Variants in DMD observed in about 807,000 individuals in gnomAD.
The protein encoded by DMD is dystrophin.
In DMD, 63 loss-of-function variants were observed where a neutral mutation model predicts 330.1. That is an observed-to-expected ratio of 0.19 (90% confidence interval 0.16 to 0.24). The LOEUF (loss-of-function observed/expected upper bound fraction) is 0.24, where lower values mean the gene tolerates loss of function less well. Ranked by LOEUF, DMD falls within the 10% of genes least tolerant of loss-of-function variation. The probability of loss-of-function intolerance (pLI) is 1.00; values close to 1 mark genes in which losing one functional copy is unlikely to be tolerated. For synonymous variants in DMD, 1,223 were observed against 959.8 expected, an observed-to-expected ratio of 1.27 and a Z score of -5.07; for missense variants, 3,344 against 2,684.1, an observed-to-expected ratio of 1.25 and a Z score of -5.43.
At chrX:33,163,658 A>ATCTATCTG (rs1267403671) in intron 1 of DMD, among the ~76,000 whole-genome samples, 1 of 108,828 alleles carries the variant, frequency 9.2e-6, no homozygotes, top group Non-Finnish European at 1.9e-5. Context: ...CTATCTATCT[A>ATCTATCTG]TATAAAGTTT....
At chrX:32,924,420 G>A (rs757226398) in intron 2 of DMD, among the ~76,000 whole-genome samples, 3 of 111,028 alleles carry the variant, frequency 2.7e-5, no homozygotes, top group Admixed American at 9.6e-5. Flanking sequence ...AGCTACTCAG[G>A]AGGTGCAGGT....
chrX:32,453,067 G>A lies in DMD; in HGVS notation c.3603+1595C>T, dbSNP rs191412551. Among the ~76,000 whole-genome samples the A allele has an allele frequency of 1.4e-3, 157 of 110,972 alleles. 2 individuals are homozygous for A. Among genetic ancestry groups the A allele is most frequent in the Non-Finnish European group, 2.1e-3 (110 of 52,567 alleles). On this transcript the variant is annotated intron_variant, in intron 26 of 78. Coordinates refer to ENST00000357033, the MANE Select transcript of DMD (RefSeq NM_004006.3). ...CTATAAGTCAAGTTTTTCTAAAATA[G>A]CATCCTACCACCCTCAAATCCTGCC...
intron 44 of DMD, among the ~76,000 whole-genome samples, chrX:31,997,767 C>T (rs754606803): frequency 4.5e-5 from 5 of 110,682 alleles, no homozygotes; most frequent in Non-Finnish European, 7.6e-5. Flanking sequence ...TAAAAGCAGT[C>T]GCCTTAAGCA....
chrX:32,872,778 G>T (rs757821947), intron 2 of DMD, among the ~76,000 whole-genome samples: 1 of 111,922 alleles, frequency 8.9e-6, no homozygotes, highest in Non-Finnish European at 1.9e-5. Context: ...CCACAGTAGA[G>T]ATGTTAAACT....
At chrX:31,125,871 C>G (rs2033585834) in intron 78 of DMD, among the ~76,000 whole-genome samples, 1 of 111,630 alleles carries the variant, frequency 9.0e-6, no homozygotes. Context: ...GCTTCAAATA[C>G]CAAATAAAAA....
At chrX:32,656,914 A>T (rs5971653) in intron 9 of DMD, among the ~76,000 whole-genome samples, 8,153 of 111,237 alleles carry the variant, frequency 0.073, 720 homozygotes, top group African/African-American at 0.25. Context: ...AAATATTCAT[A>T]GTTTCAAATA....
chrX:31,646,698 T>C (rs2030002), intron 54 of DMD, among the ~76,000 whole-genome samples: 44,448 of 110,625 alleles, frequency 0.4, 7,378 homozygotes, highest in African/African-American at 0.61. Context: ...AGTCTGCTCT[T>C]TCCCATGGGG....
chrX:32,139,711 TG>T (rs1262420408), intron 44 of DMD, among the ~76,000 whole-genome samples: 1 of 112,003 alleles, frequency 8.9e-6, no homozygotes, highest in African/African-American at 3.2e-5. Flanking sequence ...AATATGTAAC[TG>T]GGGAAAGTTG....
rs764471603 is a variant in DMD at position 32,892,277 on chromosome X, TTC to T, written c.94-42459_94-42458del. 1.5e-4 allele frequency among the ~76,000 whole-genome samples: 17 copies of T among 112,457 alleles called. 1 individual carries two copies. Among genetic ancestry groups the T allele is most frequent in the Non-Finnish European group, 1.9e-5 (1 of 53,313 alleles). ...GTACTGGCAACATTACTGCACATTC[TTC>T]TTTTAGGTTTTCAGCCCTGGCTACA... On this transcript the variant is annotated intron_variant, in intron 2 of 78. Transcript: ENST00000357033.
intron 41 of DMD, among the ~76,000 whole-genome samples, chrX:32,326,631 G>A (rs1173191628): frequency 1.8e-5 from 2 of 111,962 alleles, no homozygotes; most frequent in African/African-American, 3.2e-5. Context: ...TGGGCTGGGC[G>A]CCATGGCTCA....
chrX:32,142,846 G>A (rs1449348877), intron 44 of DMD, among the ~76,000 whole-genome samples: 1 of 111,875 alleles, frequency 8.9e-6, no homozygotes, highest in African/African-American at 3.2e-5. Flanking sequence ...CACTAGCATC[G>A]TCATAATTGA....
At chrX:31,969,297 T>C (rs2095378353) in intron 44 of DMD, among the ~76,000 whole-genome samples, 1 of 111,796 alleles carries the variant, frequency 8.9e-6, no homozygotes, top group African/African-American at 3.2e-5. Flanking sequence ...ACAAAAATGC[T>C]TTTTACCATT....
intron 50 of DMD, among the ~76,000 whole-genome samples, chrX:31,806,036 T>C (rs940518781): frequency 1.8e-5 from 2 of 111,865 alleles, no homozygotes; most frequent in African/African-American, 6.5e-5. Context: ...ATTAGCAGAG[T>C]TGAGTAACTT....
At chrX:32,037,924 A>G (rs1028832057) in intron 44 of DMD, among the ~76,000 whole-genome samples, 5 of 111,779 alleles carry the variant, frequency 4.5e-5, no homozygotes, top group African/African-American at 1.3e-4. Context: ...CATGTTCTGC[A>G]GACATCTCAC....
chrX:31,562,039 G>A lies in DMD; in HGVS notation c.8218-54586C>T, dbSNP rs762617722. Among the ~76,000 whole-genome samples, 3 of 111,642 alleles carry A rather than the reference G, an allele frequency of 2.7e-5. No homozygotes were observed. In the South Asian group the frequency reaches 1.1e-3, roughly 41 times the overall value. On this transcript the variant is annotated intron_variant, in intron 55 of 78. Coordinates refer to ENST00000357033, the MANE Select transcript of DMD (RefSeq NM_004006.3). ...CCTTCATGGTTATGTAATCCCATAA[G>A]ATTAATTTTATCTTTTTTATTTTAA...
rs1235798897 is a variant in DMD at position 31,658,038 on chromosome X, T to C, written c.7979A>G (p.His2660Arg). Residue 2660 changes from histidine to arginine, a missense_variant, in exon 54 of 79, where the codon CAC becomes CGC. His to Arg is a conservative substitution (Grantham distance 29). Transcript: ENST00000357033. ...DYSADDTRKVHMITENINASW... is the reference protein window; with the variant it reads ...DYSADDTRKVRMITENINASW... Reference sequence around the variant, plus strand: ...GGCATTGATATTCTCTGTTATCATGTGGACTTTTCTGGTATCATCTGCAGA... The same window carrying C: ...GGCATTGATATTCTCTGTTATCATGCGGACTTTTCTGGTATCATCTGCAGA... 1.7e-6 allele frequency: 2 copies of C among 1,210,653 alleles called. No individual in the cohort carries two copies. The highest frequency in any genetic ancestry group is 3.0e-5 in the East Asian group (1 of 33,835).
At chrX:31,669,256 T>C (rs895625234) in intron 53 of DMD, among the ~76,000 whole-genome samples, 1 of 111,969 alleles carries the variant, frequency 8.9e-6, no homozygotes, top group African/African-American at 3.2e-5. Context: ...TTTTTCCATA[T>C]CCTTGATCAA....
intron 47 of DMD, among the ~76,000 whole-genome samples, chrX:31,881,620 G>T (rs1365402392): frequency 1.8e-5 from 2 of 111,340 alleles, no homozygotes; most frequent in Non-Finnish European, 3.8e-5. Context: ...TTTGTATACT[G>T]TATTTTTACG....
intron 18 of DMD, among the ~76,000 whole-genome samples, chrX:32,505,753 G>C (rs2044550999): frequency 8.9e-6 from 1 of 112,108 alleles, no homozygotes; most frequent in Admixed American, 9.5e-5. Context: ...AAACAATCAA[G>C]ATGTTCTTCA....
Sources: gnomAD v4.1 joint callset for allele counts (sites outside exome capture counted in the v4.1 genomes callset) on GRCh38, gnomAD v4.1.1 for gene constraint, MANE v1.5 for transcripts, NCBI Gene and HGNC (gene_info 2026-07-23, HGNC 2026-07-21) for gene names.